The following ZDHHC14 variants were observed in gnomAD, a reference collection of about 807,000 sequenced individuals.
The protein encoded by ZDHHC14 is palmitoyltransferase ZDHHC14.
ZDHHC14 carries 16 observed loss-of-function variants against 47.7 expected under a neutral mutation model. The ratio of observed to expected loss-of-function variants is 0.34; its 90% CI spans 0.23 to 0.51. ZDHHC14 has a LOEUF of 0.51. Ranked by LOEUF, ZDHHC14 falls within the 20% of genes least tolerant of loss-of-function variation. The probability of loss-of-function intolerance (pLI) is 0.97; values close to 1 mark genes in which losing one functional copy is unlikely to be tolerated. For synonymous variants in ZDHHC14, 293 were observed against 278.9 expected (o/e 1.05, Z -0.50); for missense variants, 515 against 662.5 (o/e 0.78, Z 2.44).
chr6:157,471,077 A>G (rs1042291869), intron 1 of ZDHHC14, among the ~76,000 whole-genome samples: 5 of 152,162 alleles, frequency 3.3e-5, no homozygotes, highest in Non-Finnish European at 7.4e-5. Flanking sequence ...ATGGCTTTTC[A>G]TTCCTGGCAT....
chr6:157,512,456 T>A (rs551278075), intron 1 of ZDHHC14, among the ~76,000 whole-genome samples: 15 of 152,382 alleles, frequency 9.8e-5, no homozygotes, highest in African/African-American at 3.6e-4. Flanking sequence ...TTCTGCACTG[T>A]GTTAAGCATA....
intron 1 of ZDHHC14, among the ~76,000 whole-genome samples, chr6:157,527,915 C>G (rs1258488146): frequency 6.6e-6 from 1 of 152,172 alleles, no homozygotes; most frequent in East Asian, 1.9e-4. Context: ...TCTCTCTCTC[C>G]ATTGTATCAC....
At chr6:157,666,355 T>C (rs750244373) in intron 8 of ZDHHC14, among the ~76,000 whole-genome samples, 66 of 152,302 alleles carry the variant, frequency 4.3e-4, no homozygotes, top group South Asian at 1.0e-3. Flanking sequence ...AGTTGCATGA[T>C]TTATTAAGCT....
intron 1 of ZDHHC14, among the ~76,000 whole-genome samples, chr6:157,453,788 T>TTTTGTGTGTGTGTG (rs3220439): frequency 9.5e-5 from 14 of 148,098 alleles, no homozygotes; most frequent in Non-Finnish European, 1.6e-4. Flanking sequence ...TTTTTGTGTT[T>TTTTGTGTGTGTGTG]TGTGTGTGTG....
At chr6:157,478,826 G>A (rs1779550493) in intron 1 of ZDHHC14, among the ~76,000 whole-genome samples, 1 of 152,192 alleles carries the variant, frequency 6.6e-6, no homozygotes, top group Non-Finnish European at 1.5e-5. Context: ...GAAAAAATTA[G>A]ATGGAAGATT....
At chr6:157,389,303 C>T (rs551390300) in intron 1 of ZDHHC14, among the ~76,000 whole-genome samples, 10 of 152,242 alleles carry the variant, frequency 6.6e-5, no homozygotes, top group South Asian at 6.2e-4. Context: ...CTCAATCTTG[C>T]GATTAATAGT....
intron 2 of ZDHHC14, among the ~76,000 whole-genome samples, chr6:157,589,842 T>C (rs1783838651): frequency 6.6e-6 from 1 of 151,988 alleles, no homozygotes; most frequent in Non-Finnish European, 1.5e-5. Context: ...GTTGGAACAG[T>C]TTGGAAGGCT....
At chr6:157,620,942 A>G (rs1032097493) in intron 3 of ZDHHC14, among the ~76,000 whole-genome samples, 4 of 152,256 alleles carry the variant, frequency 2.6e-5, no homozygotes, top group African/African-American at 9.6e-5. Context: ...TGGTTTCATG[A>G]GAATTAAATG....
intron 6 of ZDHHC14, 96 bp from the exon 7 acceptor site, chr6:157,647,163 A>T: frequency 2.5e-6 from 2 of 799,328 alleles, no homozygotes; most frequent in Non-Finnish European, 4.0e-6. Context: ...ATTAAAGATG[A>T]TTTGCATTCT....
intron 1 of ZDHHC14, among the ~76,000 whole-genome samples, chr6:157,489,892 C>T (rs1480676203): frequency 2.6e-5 from 4 of 152,122 alleles, no homozygotes; most frequent in Non-Finnish European, 5.9e-5. Context: ...GAAGCTCGCT[C>T]TGGCTGCTGA....
intron 2 of ZDHHC14, among the ~76,000 whole-genome samples, chr6:157,580,567 C>G (rs576023912): frequency 3.2e-4 from 48 of 152,220 alleles, no homozygotes; most frequent in African/African-American, 1.2e-3. Flanking sequence ...AATTTTGGAA[C>G]TCATTACTAA....
intron 4 of ZDHHC14, chr6:157,632,192 G>A: frequency 6.5e-6 from 1 of 153,676 alleles, no homozygotes; most frequent in Non-Finnish European, 1.4e-5. Context: ...CAGCACAGAG[G>A]GACCTGGCAC....
chr6:157,382,375 G>A, intron 1 of ZDHHC14, 109 bp downstream of exon 1: 1 of 1,305,708 alleles, frequency 7.7e-7, no homozygotes, highest in South Asian at 1.3e-5. Context: ...ACTGTAAATT[G>A]TTATATAATG....
chr6:157,429,146 A>G (rs987314314), intron 1 of ZDHHC14, among the ~76,000 whole-genome samples: 1 of 152,172 alleles, frequency 6.6e-6, no homozygotes, highest in Non-Finnish European at 1.5e-5. Flanking sequence ...GACAGGCTCC[A>G]TGGATCTGTG....
intron 3 of ZDHHC14, among the ~76,000 whole-genome samples, chr6:157,624,321 C>G (rs992982628): frequency 1.2e-4 from 18 of 152,228 alleles, no homozygotes; most frequent in Non-Finnish European, 2.2e-4. Flanking sequence ...GATGGGCCAC[C>G]ATGTGAGGTC....
At chr6:157,631,030 A>G (rs1342641287) in intron 4 of ZDHHC14, 1 of 142,728 alleles carries the variant, frequency 7.0e-6, no homozygotes, top group Non-Finnish European at 1.5e-5. Context: ...ACACCCACTC[A>G]CACACATACC....
chr6:157,525,746 C>T (rs1781131303), intron 1 of ZDHHC14, among the ~76,000 whole-genome samples: 1 of 152,146 alleles, frequency 6.6e-6, no homozygotes, highest in Admixed American at 6.5e-5. Context: ...TAAAATGATT[C>T]TGGGCATCAG....
intron 1 of ZDHHC14, among the ~76,000 whole-genome samples, chr6:157,491,572 CTTTA>C (rs201700493): frequency 0.03 from 4,534 of 151,382 alleles, 102 homozygotes; most frequent in Non-Finnish European, 0.047. Flanking sequence ...GTTTCTTCTT[CTTTA>C]TTTATCAACT....
chr6:157,548,264 G>A (rs1287717351), intron 2 of ZDHHC14, among the ~76,000 whole-genome samples: 2 of 152,150 alleles, frequency 1.3e-5, no homozygotes, highest in African/African-American at 4.8e-5. Context: ...CACAATTCAT[G>A]CTTTGTGTCG....
Sources: gnomAD v4.1 joint callset for allele counts (sites outside exome capture counted in the v4.1 genomes callset) on GRCh38, gnomAD v4.1.1 for gene constraint, MANE v1.5 for transcripts, NCBI Gene and HGNC (gene_info 2026-07-23, HGNC 2026-07-21) for gene names.